The following RAB38 variants were observed in gnomAD, a reference collection of about 807,000 sequenced individuals.
The protein encoded by RAB38 is RAB38, member RAS oncogene family.
A neutral mutation model predicts 18.4 loss-of-function variants in RAB38; 15 were observed. The observed-to-expected ratio is 0.82, with a 90% CI of 0.55 to 1.26. The LOEUF (loss-of-function observed/expected upper bound fraction) is 1.26, where lower values mean the gene tolerates loss of function less well. Ranked by LOEUF, RAB38 falls within the 50% of genes most tolerant of loss-of-function variation. The pLI, the probability that RAB38 is intolerant of heterozygous loss-of-function variation, is 0.00. For missense variants in RAB38, 294 were observed against 267.4 expected, an observed-to-expected ratio of 1.10 and a Z score of -0.69; for synonymous variants, 101 against 104.4, an observed-to-expected ratio of 0.97 and a Z score of 0.20.
chr11:87,827,621 A>T, the RAB38 span, among the ~76,000 whole-genome samples: 2 of 152,278 alleles, frequency 1.3e-5, no homozygotes, highest in East Asian at 1.9e-4. Context: ...GAAATAAAAA[A>T]ATCTCCAAAT....
At chr11:88,070,285 C>T in the RAB38 span, among the ~76,000 whole-genome samples, 1,070 of 152,222 alleles carry the variant, frequency 7.0e-3, 61 homozygotes, top group Middle Eastern at 3.4e-3. Context: ...TAATACTCAC[C>T]GCGAAGGTCT....
At chr11:87,960,678 G>A in the RAB38 span, among the ~76,000 whole-genome samples, 5 of 151,992 alleles carry the variant, frequency 3.3e-5, no homozygotes, top group African/African-American at 4.8e-5. Flanking sequence ...CCTGCATTTC[G>A]GTTACATAAC....
intron 1 of RAB38, among the ~76,000 whole-genome samples, chr11:88,163,140 A>G (rs1051701248): frequency 6.6e-6 from 1 of 152,074 alleles, no homozygotes; most frequent in African/African-American, 2.4e-5. Context: ...CTGTGTCCTC[A>G]ATTACACTGT....
chr11:88,072,923 G>C, the RAB38 span, among the ~76,000 whole-genome samples: 6 of 152,084 alleles, frequency 3.9e-5, no homozygotes, highest in Non-Finnish European at 8.8e-5. Flanking sequence ...CAGAACTTAA[G>C]TCTGAGGAAA....
intron 2 of RAB38, among the ~76,000 whole-genome samples, chr11:88,146,823 A>G (rs193155445): frequency 6.6e-5 from 10 of 152,286 alleles, no homozygotes; most frequent in Admixed American, 6.5e-4. Flanking sequence ...TTTTACAATA[A>G]GGCCTTGTAC....
At chr11:87,934,993 C>T in the RAB38 span, among the ~76,000 whole-genome samples, 15 of 151,942 alleles carry the variant, frequency 9.9e-5, no homozygotes, top group East Asian at 1.9e-4. Context: ...CCTGTGGCCA[C>T]GGTGTAGAGC....
chr11:87,905,718 G>A, the RAB38 span, among the ~76,000 whole-genome samples: 1 of 151,810 alleles, frequency 6.6e-6, no homozygotes, highest in Non-Finnish European at 1.5e-5. Context: ...AACTTGGTAG[G>A]TATCCTTTGC....
the RAB38 span, among the ~76,000 whole-genome samples, chr11:88,099,556 A>G: frequency 6.6e-6 from 1 of 151,862 alleles, no homozygotes; most frequent in Non-Finnish European, 1.5e-5. Flanking sequence ...TCAATCCGAA[A>G]TATAAGCATA....
the RAB38 span, among the ~76,000 whole-genome samples, chr11:87,932,612 A>T: frequency 1.3e-5 from 2 of 152,206 alleles, no homozygotes; most frequent in African/African-American, 4.8e-5. Flanking sequence ...TAGTGTAATC[A>T]GCCTCCCATG....
chr11:87,825,358 ACTTAAACAACAGAAATAT>A, the RAB38 span, among the ~76,000 whole-genome samples: 1 of 152,146 alleles, frequency 6.6e-6, no homozygotes, highest in Admixed American at 6.6e-5. Context: ...ACACTGGGTA[ACTTAAACAACAGAAATAT>A]CTTTTCTCAC....
chr11:88,143,864 T>C (rs1292324637), intron 2 of RAB38, among the ~76,000 whole-genome samples: 2 of 152,210 alleles, frequency 1.3e-5, no homozygotes, highest in Non-Finnish European at 2.9e-5. Context: ...CACGGGTGGA[T>C]CTCAGATTGT....
At chr11:87,890,535 T>C in the RAB38 span, among the ~76,000 whole-genome samples, 2 of 151,904 alleles carry the variant, frequency 1.3e-5, no homozygotes, top group African/African-American at 2.4e-5. Context: ...CTTTATGCTA[T>C]GGAATAAAGC....
chr11:88,061,657 A>C, the RAB38 span: 1 of 152,166 alleles, frequency 6.6e-6, no homozygotes, highest in African/African-American at 2.4e-5. Flanking sequence ...GAGAAATTCA[A>C]ATGACTTTTT....
the RAB38 span, among the ~76,000 whole-genome samples, chr11:87,812,880 G>T: frequency 3.3e-5 from 5 of 152,168 alleles, no homozygotes; most frequent in African/African-American, 7.2e-5. Flanking sequence ...AAATTGGCCT[G>T]TTGAAGATGG....
chr11:88,175,437 T>C lies in RAB38; in HGVS notation c.-53A>G. Reference sequence around the variant, plus strand: ...CTGACCAGGGAAGCGCAGCCTGGGCTCTGCGCACGAGAGAGACTTGGGGAG... The same window carrying C: ...CTGACCAGGGAAGCGCAGCCTGGGCCCTGCGCACGAGAGAGACTTGGGGAG... On this transcript the variant is annotated 5_prime_UTR_variant, in exon 1 of 3. Coordinates refer to ENST00000243662, the MANE Select transcript of RAB38 (RefSeq NM_022337.3). 1.9e-6 allele frequency: 3 copies of C among 1,575,600 alleles called. No homozygotes were observed. Among genetic ancestry groups the C allele is most frequent in the Admixed American group, 1.7e-5 (1 of 59,366 alleles).
At chr11:87,812,012 C>G in the RAB38 span, among the ~76,000 whole-genome samples, 1 of 152,128 alleles carries the variant, frequency 6.6e-6, no homozygotes, top group Admixed American at 6.5e-5. Flanking sequence ...AAATTCAGAT[C>G]AATCTGGCTC....
chr11:88,043,858 C>T, the RAB38 span, among the ~76,000 whole-genome samples: 2 of 152,212 alleles, frequency 1.3e-5, no homozygotes, highest in Admixed American at 6.5e-5. Flanking sequence ...ATCCCCTCTC[C>T]TCCTACTCTT....
chr11:87,943,808 C>A, the RAB38 span, among the ~76,000 whole-genome samples: 1 of 152,042 alleles, frequency 6.6e-6, no homozygotes, highest in East Asian at 1.9e-4. Flanking sequence ...ATTTTAGAGA[C>A]CAGTAAGTCT....
chr11:87,962,512 G>A, the RAB38 span, among the ~76,000 whole-genome samples: 6 of 152,188 alleles, frequency 3.9e-5, no homozygotes, highest in South Asian at 2.1e-4. Context: ...AGGGGGCAGG[G>A]GGGAAGAAGG....
Sources: gnomAD v4.1 joint callset for allele counts (sites outside exome capture counted in the v4.1 genomes callset) on GRCh38, gnomAD v4.1.1 for gene constraint, MANE v1.5 for transcripts, NCBI Gene and HGNC (gene_info 2026-07-23, HGNC 2026-07-21) for gene names.